The following LRRC7 variants were observed in gnomAD, a reference collection of about 807,000 sequenced individuals.
LRRC7 encodes leucine-rich repeat-containing protein 7.
LRRC7 carries 23 observed loss-of-function variants against 175.7 expected under a neutral mutation model. The observed-to-expected ratio is 0.13, with a 90% CI of 0.09 to 0.19. The LOEUF is 0.19. Among genes scored for constraint, LRRC7 ranks in the 10% least tolerant of loss-of-function variants. LRRC7 has a pLI of 1.00. For synonymous variants in LRRC7, 685 were observed against 680.9 expected (o/e 1.01, Z -0.09); for missense variants, 1,354 against 1,904.7 (o/e 0.71, Z 5.38).
At chr1:69,859,743 A>C (rs896431884) in intron 7 of LRRC7, among the ~76,000 whole-genome samples, 10 of 152,034 alleles carry the variant, frequency 6.6e-5, no homozygotes, top group African/African-American at 2.2e-4. Flanking sequence ...GTTGAGAAAG[A>C]AATAAGGAAT....
chr1:70,010,993 T>C (rs1475899478), intron 11 of LRRC7, among the ~76,000 whole-genome samples: 13 of 152,212 alleles, frequency 8.5e-5, no homozygotes, highest in Admixed American at 8.5e-4. Flanking sequence ...CATGGAAGAA[T>C]ACAGACCCCG....
intron 4 of LRRC7, among the ~76,000 whole-genome samples, chr1:69,800,493 A>G (rs1676343680): frequency 6.6e-6 from 1 of 151,722 alleles, no homozygotes; most frequent in African/African-American, 2.4e-5. Flanking sequence ...CATTTTATTC[A>G]TTTGCAGCTA....
At chr1:69,616,439 G>A (rs983807087) in intron 1 of LRRC7, among the ~76,000 whole-genome samples, 1 of 151,928 alleles carries the variant, frequency 6.6e-6, no homozygotes, top group Non-Finnish European at 1.5e-5. Flanking sequence ...CTATAAGATA[G>A]CATAGTGAAA....
intron 1 of LRRC7, among the ~76,000 whole-genome samples, chr1:69,669,234 C>G (rs755970542): frequency 9.9e-5 from 15 of 152,106 alleles, no homozygotes; most frequent in Non-Finnish European, 1.8e-4. Flanking sequence ...TGAAGTACTT[C>G]CTTTAGCATT....
intron 2 of LRRC7, among the ~76,000 whole-genome samples, chr1:69,749,751 A>G (rs1669630401): frequency 6.6e-6 from 1 of 152,120 alleles, no homozygotes; most frequent in African/African-American, 2.4e-5. Flanking sequence ...AGAGCATAGA[A>G]TAGGGAAAGT....
intron 2 of LRRC7, among the ~76,000 whole-genome samples, chr1:69,745,527 GATAAT>G (rs557115386): frequency 6.6e-5 from 10 of 151,774 alleles, no homozygotes; most frequent in Non-Finnish European, 1.3e-4. Flanking sequence ...TGGAAAAAAT[GATAAT>G]ATAATTTCCT....
chr1:69,633,721 G>A (rs1467725599), intron 1 of LRRC7, among the ~76,000 whole-genome samples: 1 of 152,052 alleles, frequency 6.6e-6, no homozygotes, highest in Non-Finnish European at 1.5e-5. Context: ...GAGCCACCGT[G>A]CCCAGCCAAA....
intron 23 of LRRC7, among the ~76,000 whole-genome samples, chr1:70,062,546 G>T (rs1423721315): frequency 6.6e-6 from 1 of 151,968 alleles, no homozygotes; most frequent in Non-Finnish European, 1.5e-5. Flanking sequence ...ATATAAGATA[G>T]AGATGGTATA....
At chr1:69,857,600 G>A (rs988692260) in intron 7 of LRRC7, among the ~76,000 whole-genome samples, 11 of 152,090 alleles carry the variant, frequency 7.2e-5, no homozygotes, top group African/African-American at 2.4e-4. Flanking sequence ...ACTGCTCAAC[G>A]AAATAAAAGA....
chr1:69,618,608 A>T (rs1364684878), intron 1 of LRRC7, among the ~76,000 whole-genome samples: 1 of 152,144 alleles, frequency 6.6e-6, no homozygotes, highest in Non-Finnish European at 1.5e-5. Context: ...TGGTTTTCAC[A>T]TTCCTTCAAG....
intron 2 of LRRC7, among the ~76,000 whole-genome samples, chr1:69,703,224 A>G (rs978180076): frequency 6.6e-6 from 1 of 152,032 alleles, no homozygotes; most frequent in Non-Finnish European, 1.5e-5. Context: ...ATTTCACAGG[A>G]CTGAGTCTCT....
intron 7 of LRRC7, among the ~76,000 whole-genome samples, chr1:69,842,614 A>C (rs1299716801): frequency 6.6e-6 from 1 of 152,128 alleles, no homozygotes; most frequent in Admixed American, 6.6e-5. Flanking sequence ...GTAAAACCTG[A>C]TGAACATATT....
chr1:69,982,623 A>G (rs765143449), intron 9 of LRRC7, among the ~76,000 whole-genome samples: 2 of 152,268 alleles, frequency 1.3e-5, no homozygotes, highest in Admixed American at 1.3e-4. Context: ...AAGCAAATAG[A>G]TAATGATCAA....
chr1:69,599,869 C>T (rs1412209621), intron 1 of LRRC7, among the ~76,000 whole-genome samples: 2 of 152,144 alleles, frequency 1.3e-5, no homozygotes, highest in Non-Finnish European at 2.9e-5. Context: ...TTGGTTTAAA[C>T]CCAGTTCTGA....
chr1:69,713,316 T>C (rs1422763843), intron 2 of LRRC7, among the ~76,000 whole-genome samples: 1 of 147,048 alleles, frequency 6.8e-6, no homozygotes, highest in Non-Finnish European at 1.5e-5. Flanking sequence ...TGAGACTTGG[T>C]CTCTCAAAAA....
chr1:70,036,715 C>A, intron 20 of LRRC7, 91 bp downstream of exon 20: 1 of 1,369,798 alleles, frequency 7.3e-7, no homozygotes, highest in South Asian at 1.4e-5. Context: ...GAATTGTATT[C>A]GGCACACAAG....
chr1:69,828,539 A>G (rs1285876606), intron 5 of LRRC7, among the ~76,000 whole-genome samples: 1 of 152,082 alleles, frequency 6.6e-6, no homozygotes, highest in African/African-American at 2.4e-5. Flanking sequence ...GCACCTTTCC[A>G]TGTATTTATT....
intron 1 of LRRC7, among the ~76,000 whole-genome samples, chr1:69,639,858 A>T (rs1418737093): frequency 6.7e-6 from 1 of 148,750 alleles, no homozygotes; most frequent in East Asian, 2.0e-4. Context: ...GTTACCAGCT[A>T]AAAAAAAAAT....
chr1:69,968,570 T>C (rs577155534), intron 8 of LRRC7, among the ~76,000 whole-genome samples: 2 of 152,212 alleles, frequency 1.3e-5, no homozygotes, highest in Admixed American at 6.5e-5. Flanking sequence ...AGGTAACCTA[T>C]AAAGGAAAAC....
Sources: gnomAD v4.1 joint callset for allele counts (sites outside exome capture counted in the v4.1 genomes callset) on GRCh38, gnomAD v4.1.1 for gene constraint, MANE v1.5 for transcripts, NCBI Gene and HGNC (gene_info 2026-07-23, HGNC 2026-07-21) for gene names.